The following RSRP1 variants were observed in gnomAD, a reference collection of about 807,000 sequenced individuals.
RSRP1 encodes the protein arginine and serine rich protein 1.
In RSRP1, 37 loss-of-function variants were observed where a neutral mutation model predicts 33.0. That is an observed-to-expected ratio of 1.12 (90% CI 0.86 to 1.48). RSRP1 has a LOEUF of 1.48. RSRP1 is among the 40% of genes most tolerant of loss of function. The probability of loss-of-function intolerance (pLI) is 0.00; values close to 1 mark genes in which losing one functional copy is unlikely to be tolerated. For synonymous variants in RSRP1, 167 were observed against 158.7 expected (o/e 1.05, Z -0.40); for missense variants, 402 against 385.3 (o/e 1.04, Z -0.36).
At position 25,307,659 on chromosome 1, in the gene RSRP1, G is replaced by C. The variant is rs1291160024; in HGVS notation, c.-67+30319C>G. On this transcript the variant is annotated intron_variant, in intron 1 of 1. Coordinates refer to the RSRP1 transcript ENST00000561867. ...TTATCTGCCCAAGGTCACTCGGCTGGAACCTGGCTGTAAAAATGGCTGAAG... is the reference window on the plus strand; with the variant it reads ...TTATCTGCCCAAGGTCACTCGGCTGCAACCTGGCTGTAAAAATGGCTGAAG... 19 of 1,270,946 alleles carry C rather than the reference G, an allele frequency of 1.5e-5. 5 individuals are homozygous for C. The highest frequency in any genetic ancestry group is 2.0e-5 in the Non-Finnish European group (18 of 915,996). 78.7% of individuals were successfully genotyped at this position (1,270,946 alleles called of 1,614,324 possible).
At chr1:25,244,693 TG>T (rs1639198485) in intron 3 of RSRP1, 1 of 1,191,954 alleles carries the variant, frequency 8.4e-7, no homozygotes, top group South Asian at 1.6e-5. Context: ...AAAAAATAAA[TG>T]TATTTTTTGA....
At chr1:25,252,054 C>G (rs1309408337), upstream of RSRP1, among the ~76,000 whole-genome samples, 1 of 151,920 alleles carries the variant, frequency 6.6e-6, no homozygotes, top group Non-Finnish European at 1.5e-5. Context: ...CCACGCCTGG[C>G]TAATTTTTGT....
chr1:25,243,389 T>C (rs1351203670), intron 4 of RSRP1, among the ~76,000 whole-genome samples, 161 bp downstream of exon 4: 2 of 152,194 alleles, frequency 1.3e-5, no homozygotes, highest in Non-Finnish European at 2.9e-5. Flanking sequence ...AAACCCATTA[T>C]AATGGCCACT....
intron 1 of RSRP1, among the ~76,000 whole-genome samples, chr1:25,271,119 C>A (rs2124573586): frequency 7.5e-6 from 1 of 132,470 alleles, no homozygotes; most frequent in East Asian, 1.9e-4. Context: ...GTTTTCTTAA[C>A]CAACCCCCTG....
upstream of RSRP1, among the ~76,000 whole-genome samples, chr1:25,250,054 G>T (rs558179752): frequency 1.3e-5 from 2 of 152,306 alleles, no homozygotes; most frequent in African/African-American, 4.8e-5. Context: ...GAAGGGGCTA[G>T]ATTTTCTTTT....
At chr1:25,274,592 G>A (rs1196356054) in intron 1 of RSRP1, among the ~76,000 whole-genome samples, 1 of 133,500 alleles carries the variant, frequency 7.5e-6, no homozygotes, top group East Asian at 1.9e-4. Context: ...AGGCTCAGTA[G>A]GAATTACCTG....
chr1:25,298,908 C>T (rs540839480), intron 1 of RSRP1, among the ~76,000 whole-genome samples: 2 of 127,780 alleles, frequency 1.6e-5, no homozygotes, highest in East Asian at 3.9e-4. Context: ...AGAGGGTGGC[C>T]AGGGGCAGCT....
At chr1:25,333,222 C>A (rs1293438371) in intron 1 of RSRP1, among the ~76,000 whole-genome samples, 3 of 132,226 alleles carry the variant, frequency 2.3e-5, no homozygotes, top group African/African-American at 7.8e-5. Flanking sequence ...TCAATCTCTT[C>A]TGGAAATACC....
Position 25,332,515 on chromosome 1 carries a change from T to TA in RSRP1, c.-67+5462dup, listed in dbSNP as rs1168572792. Among the ~76,000 whole-genome samples the TA allele has an allele frequency of 2.1e-4, 27 of 129,476 alleles. 8 individuals are homozygous for TA. Among genetic ancestry groups the TA allele is most frequent in the Admixed American group, 3.8e-4 (5 of 13,288 alleles). The allele number at this position is 129,476 out of a possible 152,430, so 84.9% of individuals were successfully genotyped here. A position where few individuals can be genotyped will look rare whatever the true frequency, so the allele number is the denominator to read the frequency against. On this transcript the variant is annotated intron_variant, in intron 1 of 1. Coordinates refer to the RSRP1 transcript ENST00000561867. The stretch of plus-strand genomic sequence containing the variant: ...GTAGTCTGACTAAACCATTAGAAAT[T>TA]AAAAAAAAATGGCTACTTTCAAAGA...
intron 1 of RSRP1, among the ~76,000 whole-genome samples, chr1:25,297,259 T>A (rs576456191): frequency 0.013 from 1,175 of 91,094 alleles, 95 homozygotes; most frequent in African/African-American, 0.039. Flanking sequence ...TGGGTATGCA[T>A]TTTTGGTAGG....
upstream of RSRP1, chr1:25,247,517 G>A (rs1373681390): frequency 1.3e-5 from 2 of 152,570 alleles, no homozygotes; most frequent in Non-Finnish European, 2.9e-5. Context: ...CATGCGCAGA[G>A]ATGTTCCGTG....
chr1:25,258,154 C>T (rs1480052637), intron 1 of RSRP1, among the ~76,000 whole-genome samples: 1 of 152,088 alleles, frequency 6.6e-6, no homozygotes, highest in Non-Finnish European at 1.5e-5. Flanking sequence ...ACCTGAAACA[C>T]CTACACTACA....
intron 1 of RSRP1, among the ~76,000 whole-genome samples, chr1:25,283,470 G>T (rs1286942826): frequency 7.6e-6 from 1 of 130,962 alleles, no homozygotes; most frequent in Non-Finnish European, 1.8e-5. Context: ...GGCAGAGGTT[G>T]CAGTGAGCCA....
chr1:25,276,416 TAAA>T (rs59061341), intron 1 of RSRP1, among the ~76,000 whole-genome samples: 1 of 88,552 alleles, frequency 1.1e-5, no homozygotes, highest in Non-Finnish European at 2.6e-5. Context: ...AATAGTTAAT[TAAA>T]AAAAAAAAAA....
At chr1:25,288,399 C>G (rs1642229048) in intron 1 of RSRP1, among the ~76,000 whole-genome samples, 1 of 126,030 alleles carries the variant, frequency 7.9e-6, no homozygotes, top group Admixed American at 7.8e-5. Context: ...AGGCTGGTCT[C>G]AAACTCCAGG....
At chr1:25,246,091 C>G (rs1639361766) in intron 2 of RSRP1, 1 of 214,948 alleles carries the variant, frequency 4.7e-6, no homozygotes, top group African/African-American at 2.3e-5. Context: ...CAATTTTATT[C>G]AGTAATAATG....
chr1:25,290,648 C>T (rs1557528383), intron 1 of RSRP1: 1 of 1,378,242 alleles, frequency 7.3e-7, no homozygotes, highest in Non-Finnish European at 1.0e-6. Flanking sequence ...CAGTATTCGG[C>T]TGGCCACCAT....
In RSRP1 at chr1:25,246,586, G is replaced by A; in HGVS notation, c.378C>T (p.Tyr126=). Reference sequence around the variant, plus strand: ...GCGCGATCGCGTACGCCCTTCCGCAGTACGACCTTCCCCGAGAGCGCGACC... The same window carrying A: ...GCGCGATCGCGTACGCCCTTCCGCAATACGACCTTCCCCGAGAGCGCGACC... ...RSRSRSRGRS[Y]CGRAYAIARG... The change falls in exon 2 of 5, where the codon TAC becomes TAT. Residue 126 remains tyrosine (Y), a synonymous_variant. Coordinates refer to ENST00000243189, the MANE Select transcript of RSRP1 (RefSeq NM_020317.5). 1 of 1,614,190 alleles carries A rather than the reference G, an allele frequency of 6.2e-7. No homozygotes were observed. Among genetic ancestry groups the A allele is most frequent in the Non-Finnish European group, 8.5e-7 (1 of 1,180,046 alleles).
intron 3 of RSRP1, 104 bp from the exon 4 acceptor site, chr1:25,243,737 C>T: frequency 4.0e-6 from 6 of 1,484,968 alleles, no homozygotes; most frequent in Admixed American, 2.3e-5. Flanking sequence ...GCTGTAGACA[C>T]AAAAATCAAC....
Sources: gnomAD v4.1 joint callset for allele counts (sites outside exome capture counted in the v4.1 genomes callset) on GRCh38, gnomAD v4.1.1 for gene constraint, MANE v1.5 for transcripts, NCBI Gene and HGNC (gene_info 2026-07-23, HGNC 2026-07-21) for gene names.